The following RADIL variants were observed in gnomAD, a reference collection of about 807,000 sequenced individuals.
RADIL encodes Rap associating with DIL domain, also known as ras-associating and dilute domain-containing protein.
In RADIL, 99 loss-of-function variants were observed where a neutral mutation model predicts 97.6. The ratio of observed to expected loss-of-function variants is 1.01; its 90% CI spans 0.86 to 1.20. RADIL has a LOEUF of 1.20. Ranked by LOEUF, RADIL falls within the 50% of genes most tolerant of loss-of-function variation. RADIL has a pLI of 0.00. For missense variants in RADIL, 1,765 were observed against 1,498.9 expected, an observed-to-expected ratio of 1.18 and a Z score of -2.93; for synonymous variants, 803 against 691.8, an observed-to-expected ratio of 1.16 and a Z score of -2.52.
intron 5 of RADIL, among the ~76,000 whole-genome samples, chr7:4,830,742 C>T (rs926172939): frequency 2.0e-5 from 3 of 152,002 alleles, no homozygotes; most frequent in African/African-American, 4.8e-5. Flanking sequence ...CGGCTGGGCG[C>T]GGTGGTTCAC....
At chr7:4,807,681 CCTT>C (rs1253944526) in intron 9 of RADIL, among the ~76,000 whole-genome samples, 4 of 87,630 alleles carry the variant, frequency 4.6e-5, no homozygotes, top group Non-Finnish European at 7.1e-5. Context: ...TCCTCCCTCT[CCTT>C]CTCTCCATCT....
At chr7:4,829,250 T>G (rs1397840305) in intron 5 of RADIL, among the ~76,000 whole-genome samples, 1 of 152,146 alleles carries the variant, frequency 6.6e-6, no homozygotes, top group Non-Finnish European at 1.5e-5. Context: ...TGGAGCCCCC[T>G]CCTGTCAGGC....
At chr7:4,861,158 A>G in intron 2 of RADIL, 3 of 1,614,242 alleles carry the variant, frequency 1.9e-6, no homozygotes, top group South Asian at 2.2e-5. Flanking sequence ...GAAGTTGTCA[A>G]TGTTTGGCAC....
In RADIL at chr7:4,815,564, G is replaced by T; in HGVS notation, c.1967-114C>A. On this transcript the variant is annotated intron_variant, in intron 8 of 14. Transcript: ENST00000399583. This position sits in a 1 kb window ranked among gnomAD's most constrained non-coding sequence, Gnocchi z 8.0. ...GCTCTGGGCCACTGAGGACATCACA[G>T]CTCGATGACAGGCAGGACACCTTCC... 2 of 1,164,380 alleles carry T rather than the reference G, an allele frequency of 1.7e-6. No homozygotes were observed. The highest frequency in any genetic ancestry group is 2.3e-6 in the Non-Finnish European group (2 of 857,162). 72.1% of individuals were successfully genotyped at this position (1,164,380 alleles called of 1,614,324 possible). A position where few individuals can be genotyped will look rare whatever the true frequency, so the allele number is the denominator to read the frequency against.
At chr7:4,861,526 T>G in intron 2 of RADIL, 1 of 1,614,026 alleles carries the variant, frequency 6.2e-7, no homozygotes. Flanking sequence ...AAATCTTTCC[T>G]CCAACGTTTT....
chr7:4,805,764 C>G, intron 9 of RADIL, 48 bp from the exon 10 acceptor site: 1 of 1,570,588 alleles, frequency 6.4e-7, no homozygotes. Context: ...GGGTGCAGAC[C>G]CCAGCCCAAA....
intron 9 of RADIL, among the ~76,000 whole-genome samples, chr7:4,807,522 T>A (rs1235898807): frequency 1.0e-5 from 1 of 99,410 alleles, no homozygotes; most frequent in Non-Finnish European, 2.1e-5. Flanking sequence ...TCCCTCTCCG[T>A]CTCCCCTCCC....
chr7:4,829,666 G>A (rs3793143), intron 5 of RADIL, among the ~76,000 whole-genome samples: 59,881 of 151,842 alleles, frequency 0.39, 13,909 homozygotes, highest in African/African-American at 0.64. Flanking sequence ...TGGTAACTGA[G>A]TCATGGGGGC....
At chr7:4,859,843 T>C (rs1285628403) in intron 2 of RADIL, 1 of 1,138,556 alleles carries the variant, frequency 8.8e-7, no homozygotes, top group Non-Finnish European at 1.3e-6. Context: ...TCTTCCGTTT[T>C]GGTTTTCTTG....
chr7:4,861,064 G>C (rs1280615807), intron 2 of RADIL: 7 of 1,614,082 alleles, frequency 4.3e-6, no homozygotes, highest in Admixed American at 3.3e-5. Flanking sequence ...GCATGGCCCA[G>C]GAAACACCTC....
chr7:4,875,003 T>G (rs1276518817), intron 2 of RADIL, among the ~76,000 whole-genome samples: 1 of 150,574 alleles, frequency 6.6e-6, no homozygotes, highest in East Asian at 1.9e-4. Flanking sequence ...CCATCCTGGC[T>G]AACACGGTGA....
intron 1 of RADIL, among the ~76,000 whole-genome samples, chr7:4,881,136 C>T (rs1035320502): frequency 7.7e-6 from 1 of 129,322 alleles, no homozygotes; most frequent in Non-Finnish European, 1.6e-5. Context: ...AAAAAGATGG[C>T]TGGGCACGGT....
At chr7:4,809,599 C>T (rs1782478618) in intron 9 of RADIL, 7 of 985,488 alleles carry the variant, frequency 7.1e-6, no homozygotes, top group Non-Finnish European at 8.4e-6. Flanking sequence ...TGCAGACACG[C>T]TCCTTGAACT....
Position 4,836,536 on chromosome 7 carries a change from TC to T in RADIL, c.604del (p.Asp202MetfsTer19). 2 of 1,607,422 alleles carry T rather than the reference TC, an allele frequency of 1.2e-6. No individual in the cohort carries two copies. The highest frequency in any genetic ancestry group is 1.3e-5 in the African/African-American group (1 of 74,908). ...CCGGGGTGGAGGAGAGCTCCGGGCA[TC>T]CCCCAGGGCCGGGGTCGGGGTTCCC... ...AKGTPTPALG[D>X]ARSSPPPRLR... On this transcript the variant is annotated frameshift_variant, in exon 3 of 15. Coordinates refer to ENST00000399583, the MANE Select transcript of RADIL (RefSeq NM_018059.5).
intron 2 of RADIL, among the ~76,000 whole-genome samples, chr7:4,843,978 T>G (rs907642695): frequency 1.1e-4 from 16 of 151,294 alleles, no homozygotes; most frequent in Non-Finnish European, 1.9e-4. Flanking sequence ...TTAGCCTCAT[T>G]TTGGGAACCA....
Position 4,822,645 on chromosome 7 carries a change from C to T in RADIL, c.1455-91G>A. The T allele has an allele frequency of 1.4e-6, 2 of 1,422,758 alleles. No individual in the cohort carries two copies. The highest frequency in any genetic ancestry group is 2.2e-4 in the Middle Eastern group (1 of 4,450). The allele number at this position is 1,422,758 out of a possible 1,614,324, so 88.1% of individuals were successfully genotyped here. ...CTTTCTACATAAGGATGCGCGTTTT[C>T]ATGGGACGCTGACAACAACTGCAAC... On this transcript the variant is annotated intron_variant, in intron 5 of 14. Coordinates refer to ENST00000399583, the MANE Select transcript of RADIL (RefSeq NM_018059.5). The surrounding 1 kb of genome is among the most constrained non-coding windows in gnomAD (Gnocchi z 5.3).
At chr7:4,848,449 T>TA (rs1361062006) in intron 2 of RADIL, among the ~76,000 whole-genome samples, 1 of 152,038 alleles carries the variant, frequency 6.6e-6, no homozygotes, top group Non-Finnish European at 1.5e-5. Flanking sequence ...CTGAAATTGA[T>TA]AAGATATCGA....
At position 4,819,310 on chromosome 7, in the gene RADIL, G is replaced by C. The variant is rs1250754057; in HGVS notation, c.1616-1959C>G. 1.3e-5 allele frequency among the ~76,000 whole-genome samples: 2 copies of C among 151,884 alleles called. No homozygotes were observed. The highest frequency in any genetic ancestry group is 3.9e-4 in the East Asian group (2 of 5,132). On this transcript the variant is annotated intron_variant, in intron 6 of 14. Transcript: ENST00000399583. The surrounding 1 kb of genome is among the most constrained non-coding windows in gnomAD (Gnocchi z 5.8). Reference sequence around the variant, plus strand: ...TGGTCTCAAACTCCTGACCTCATGTGATCTGCCTGCCTCGGCCTCCCAAAG... The same window carrying C: ...TGGTCTCAAACTCCTGACCTCATGTCATCTGCCTGCCTCGGCCTCCCAAAG...
Position 4,860,658 on chromosome 7 carries a change from C to G in RADIL, c.535+16947G>C, listed in dbSNP as rs546710495. On this transcript the variant is annotated intron_variant, in intron 2 of 14. Transcript: ENST00000399583. ...CCCACCCATTCTAAATGTTGTTTTT[C>G]TGTTGATGCACTTGCCAGAAGTACA... 24 of 1,614,186 alleles carry G rather than the reference C, an allele frequency of 1.5e-5. No homozygotes were observed. In the Admixed American group the frequency reaches 4.0e-4, roughly 27 times the overall value.
Sources: gnomAD v4.1 joint callset for allele counts (sites outside exome capture counted in the v4.1 genomes callset) on GRCh38, gnomAD v4.1.1 for gene constraint, Gnocchi (gnomAD v3.1) non-coding constraint, MANE v1.5 for transcripts, NCBI Gene and HGNC (gene_info 2026-07-23, HGNC 2026-07-21) for gene names.